ROBO2: variants seen among roughly 807,000 people sequenced by gnomAD.
ROBO2 encodes the protein roundabout guidance receptor 2.
ROBO2 carries 53 observed loss-of-function variants against 160.8 expected under a neutral mutation model. That is an observed-to-expected ratio of 0.33 (90% CI 0.26 to 0.41). The LOEUF (loss-of-function observed/expected upper bound fraction) is 0.41, where lower values mean the gene tolerates loss of function less well. Among genes scored for constraint, ROBO2 ranks in the 10% least tolerant of loss-of-function variants. ROBO2 has a pLI of 1.00. For synonymous variants in ROBO2, 664 were observed against 611.7 expected (o/e 1.09, Z -1.26); for missense variants, 1,577 against 1,722.4 (o/e 0.92, Z 1.49).
chr3:77,588,645 C>A (rs1299113686), intron 16 of ROBO2, 106 bp from the exon 18 acceptor site: 1 of 1,045,002 alleles, frequency 9.6e-7, no homozygotes, highest in Non-Finnish European at 1.4e-6. Context: ...ACTAAACAAG[C>A]ATTTCCTGCC....
chr3:76,653,118 T>G (rs1022117818), intron 2 of ROBO2, among the ~76,000 whole-genome samples: 1 of 152,016 alleles, frequency 6.6e-6, no homozygotes. Context: ...ACACCAAACT[T>G]ACTAACACAC....
intron 2 of ROBO2, among the ~76,000 whole-genome samples, chr3:76,397,274 T>C (rs2077514736): frequency 1.3e-5 from 2 of 152,104 alleles, no homozygotes; most frequent in East Asian, 1.9e-4. Flanking sequence ...TAGCCATATG[T>C]AGAAAGCTGA....
intron 2 of ROBO2, among the ~76,000 whole-genome samples, chr3:76,962,638 C>CAAAAAAAAAAAAAAAAAAAAAAAAAAAA: frequency 2.0e-5 from 1 of 50,288 alleles, no homozygotes; most frequent in Non-Finnish European, 3.3e-5. Context: ...AACTCGATCT[C>CAAAAAAAAAAAAAAAAAAAAAAAAAAAA]AGAAAAAAAA....
chr3:77,321,284 A>G (rs2064666611), intron 2 of ROBO2, among the ~76,000 whole-genome samples: 2 of 152,124 alleles, frequency 1.3e-5, no homozygotes, highest in Admixed American at 1.3e-4. Context: ...TAAGAGGTCA[A>G]GGTGGGAGGA....
chr3:77,625,101 C>T lies in ROBO2; in HGVS notation c.3760+2669C>T, dbSNP rs141967747. Among the ~76,000 whole-genome samples, 3 of 152,138 alleles carry T rather than the reference C, an allele frequency of 2.0e-5. No homozygotes were observed. The East Asian group carries it at 5.8e-4, about 29-fold the overall frequency. On this transcript the variant is annotated intron_variant, in intron 23 of 25. Coordinates refer to ENST00000461745, the Ensembl canonical transcript of ROBO2. The stretch of plus-strand genomic sequence containing the variant: ...CTACAATTAGTTGTTTTTATAACAA[C>T]TAATTTGTGAGGGATCTCTTAAATT...
intron 1 of ROBO2, among the ~76,000 whole-genome samples, chr3:77,097,076 C>G (rs1309608514): frequency 6.6e-6 from 1 of 152,118 alleles, no homozygotes; most frequent in Non-Finnish European, 1.5e-5. Flanking sequence ...ATCTGTGAGC[C>G]GTGTAAAAGA....
Position 77,269,418 on chromosome 3 carries a change from C to A in ROBO2, c.388+171078C>A, listed in dbSNP as rs143055194. 1.7e-3 allele frequency among the ~76,000 whole-genome samples: 257 copies of A among 152,216 alleles called. 1 individual carries two copies. The highest frequency in any genetic ancestry group is 3.0e-3 in the Non-Finnish European group (202 of 68,004). On this transcript the variant is annotated intron_variant, in intron 2 of 25. Transcript: ENST00000461745. ...GAATCTCAATAATTTAAACATAAAT[C>A]CTTTAGGCTTTGGTACCTTTTTTCC...
chr3:76,725,018 A>G lies in ROBO2; in HGVS notation c.110-372996A>G, dbSNP rs544937460. ...GCATGTTTTTCCCTAGAGTCTCTGCAGGGAACATATCCCTGCTGACAACTT... is the reference window on the plus strand; with the variant it reads ...GCATGTTTTTCCCTAGAGTCTCTGCGGGGAACATATCCCTGCTGACAACTT... On this transcript the variant is annotated intron_variant, in intron 2 of 26. Transcript: ENST00000487694. 2.6e-5 allele frequency among the ~76,000 whole-genome samples: 4 copies of G among 152,276 alleles called. No individual in the cohort carries two copies. In the East Asian group the frequency reaches 7.8e-4, roughly 30 times the overall value.
At chr3:76,135,325 T>C (rs2071390060) in intron 2 of ROBO2, among the ~76,000 whole-genome samples, 1 of 152,082 alleles carries the variant, frequency 6.6e-6, no homozygotes, top group African/African-American at 2.4e-5. Flanking sequence ...CCTTGACATA[T>C]GAGGAAACCT....
intron 19 of ROBO2, among the ~76,000 whole-genome samples, chr3:77,597,415 A>G (rs2094332581): frequency 1.3e-5 from 2 of 152,216 alleles, no homozygotes; most frequent in Admixed American, 1.3e-4. Flanking sequence ...AGGAGACACA[A>G]GTAACCTACT....
intron 2 of ROBO2, among the ~76,000 whole-genome samples, chr3:76,993,895 A>G (rs1158699336): frequency 1.3e-3 from 191 of 151,814 alleles, no homozygotes; most frequent in African/African-American, 4.3e-3. Flanking sequence ...AAAAAAAAAA[A>G]CAAAACATTG....
chr3:76,972,609 G>C (rs540630947), intron 2 of ROBO2, among the ~76,000 whole-genome samples: 1 of 152,152 alleles, frequency 6.6e-6, no homozygotes, highest in East Asian at 1.9e-4. Context: ...TGTAATCCCA[G>C]TGCTTTGGGA....
At chr3:76,900,912 A>G (rs1345953465) in intron 2 of ROBO2, among the ~76,000 whole-genome samples, 1 of 152,220 alleles carries the variant, frequency 6.6e-6, no homozygotes, top group Non-Finnish European at 1.5e-5. Flanking sequence ...TTAAAGGAAA[A>G]TAGAATGAAG....
At chr3:76,378,930 C>CAAAG (rs1458368232) in intron 2 of ROBO2, among the ~76,000 whole-genome samples, 3 of 152,160 alleles carry the variant, frequency 2.0e-5, no homozygotes, top group Non-Finnish European at 4.4e-5. Flanking sequence ...AAATCATGGC[C>CAAAG]TCTTTGCTAT....
intron 2 of ROBO2, among the ~76,000 whole-genome samples, chr3:76,020,209 C>T (rs1401136198): frequency 6.6e-6 from 1 of 151,842 alleles, no homozygotes; most frequent in African/African-American, 2.4e-5. Context: ...TTTCCTTTGA[C>T]TAATATTTAA....
intron 2 of ROBO2, among the ~76,000 whole-genome samples, chr3:75,973,225 A>G (rs1296729664): frequency 6.6e-6 from 1 of 151,710 alleles, no homozygotes; most frequent in East Asian, 2.0e-4. Context: ...GATAACTACA[A>G]ATCTATTCTG....
intron 17 of ROBO2, among the ~76,000 whole-genome samples, chr3:77,590,335 C>G (rs2094150164): frequency 6.6e-6 from 1 of 152,122 alleles, no homozygotes; most frequent in Non-Finnish European, 1.5e-5. Flanking sequence ...AGTGCTATAT[C>G]ACTTCAACAG....
chr3:77,212,201 C>G (rs938881387), intron 2 of ROBO2, among the ~76,000 whole-genome samples: 6 of 152,132 alleles, frequency 3.9e-5, no homozygotes, highest in African/African-American at 1.4e-4. Flanking sequence ...TTCTTCCTAC[C>G]CATGAGCATG....
intron 2 of ROBO2, among the ~76,000 whole-genome samples, chr3:76,451,204 C>G (rs1232902966): frequency 2.6e-5 from 4 of 152,120 alleles, no homozygotes. Context: ...CTTCCAGTTG[C>G]AAGACAAGAT....
Sources: gnomAD v4.1 joint callset for allele counts (sites outside exome capture counted in the v4.1 genomes callset) on GRCh38, gnomAD v4.1.1 for gene constraint, MANE v1.5 for transcripts, NCBI Gene and HGNC (gene_info 2026-07-23, HGNC 2026-07-21) for gene names.